SEMA3A: variants seen among roughly 807,000 people sequenced by gnomAD.
The protein encoded by SEMA3A is semaphorin 3A, also known as semaphorin-3A.
SEMA3A carries 29 observed loss-of-function variants against 97.9 expected under a neutral mutation model. The ratio of observed to expected loss-of-function variants is 0.30; its 90% CI spans 0.22 to 0.40. The LOEUF is 0.40. SEMA3A is among the 10% of genes least tolerant of loss of function. The pLI is 1.00. For missense variants in SEMA3A, 763 were observed against 951.3 expected, an observed-to-expected ratio of 0.80 and a Z score of 2.60; for synonymous variants, 321 against 323.7, an observed-to-expected ratio of 0.99 and a Z score of 0.09.
At chr7:84,150,141 G>A (rs1303381376) in intron 1 of SEMA3A, among the ~76,000 whole-genome samples, 2 of 152,146 alleles carry the variant, frequency 1.3e-5, no homozygotes, top group African/African-American at 4.8e-5. Context: ...GAGGGTAACT[G>A]GTAGGAATTA....
rs540090323 is a variant in SEMA3A at position 84,060,446 on chromosome 7, T to C, written c.547+19A>G. The C allele has an allele frequency of 4.7e-6, 7 of 1,481,238 alleles. No individual in the cohort carries two copies. Among genetic ancestry groups the C allele is most frequent in the Middle Eastern group, 1.7e-4 (1 of 5,796 alleles). 91.8% of individuals were successfully genotyped at this position (1,481,238 alleles called of 1,614,324 possible). ...TATTTATAGAAAACTCACTATTTAA[T>C]TGATTGTTGACTACGCACCTATTAA... is the stretch of plus-strand genomic sequence containing the variant. On this transcript the variant is annotated intron_variant, in intron 5 of 16. Coordinates refer to ENST00000265362, the MANE Select transcript of SEMA3A (RefSeq NM_006080.3).
chr7:84,312,698 T>C (rs1026192332), intron 2 of SEMA3A, among the ~76,000 whole-genome samples: 1 of 149,486 alleles, frequency 6.7e-6, no homozygotes, highest in African/African-American at 2.5e-5. Flanking sequence ...CAAACACTCT[T>C]TGGAGAATCC....
chr7:84,336,845 G>T (rs1004207584), intron 2 of SEMA3A, among the ~76,000 whole-genome samples: 1 of 152,032 alleles, frequency 6.6e-6, no homozygotes, highest in Non-Finnish European at 1.5e-5. Flanking sequence ...GTCTGTCTAG[G>T]TTGAAGTATG....
chr7:84,225,690 C>T (rs375313271), intron 3 of SEMA3A, among the ~76,000 whole-genome samples: 8 of 152,002 alleles, frequency 5.3e-5, no homozygotes, highest in Admixed American at 2.0e-4. Flanking sequence ...GGTCATCTCA[C>T]GGAGGCAACA....
At chr7:84,379,408 A>T (rs148792714) in intron 1 of SEMA3A, among the ~76,000 whole-genome samples, 166 of 152,306 alleles carry the variant, frequency 1.1e-3, no homozygotes, top group African/African-American at 3.7e-3. Flanking sequence ...ATACGTTTAT[A>T]AGGAAAAAGT....
At chr7:84,055,288 C>T (rs1304345916) in intron 5 of SEMA3A, among the ~76,000 whole-genome samples, 4 of 152,136 alleles carry the variant, frequency 2.6e-5, no homozygotes, top group African/African-American at 4.8e-5. Context: ...CAATGGCGGG[C>T]GCCCCTCCCC....
intron 11 of SEMA3A, among the ~76,000 whole-genome samples, chr7:84,004,522 G>T (rs1174366536): frequency 6.6e-6 from 1 of 151,726 alleles, no homozygotes; most frequent in Admixed American, 6.6e-5. Flanking sequence ...TAATTTTAAA[G>T]TTCAGATAAT....
chr7:84,332,870 CATA>C (rs1223869153), intron 2 of SEMA3A, among the ~76,000 whole-genome samples: 2 of 152,046 alleles, frequency 1.3e-5, no homozygotes, highest in Non-Finnish European at 2.9e-5. Flanking sequence ...TGACTCCCTA[CATA>C]CATATTATCA....
At chr7:84,390,335 A>AATTATTATTATTATTATT (rs71078827) in intron 1 of SEMA3A, among the ~76,000 whole-genome samples, 17 of 143,666 alleles carry the variant, frequency 1.2e-4, no homozygotes, top group African/African-American at 2.0e-4. Flanking sequence ...GATATTCAAG[A>AATTATTATTATTATTATT]ATTATTATTA....
At position 84,097,155 on chromosome 7, in the gene SEMA3A, C is replaced by T. The variant is rs551684258; in HGVS notation, c.453+13315G>A. Among the ~76,000 whole-genome samples the T allele has an allele frequency of 1.5e-4, 23 of 152,056 alleles. No homozygotes were observed. The South Asian group carries it at 4.8e-3, about 32-fold the overall frequency. ...TATGAGGTAAGACAGTTATTAAATG[C>T]CAACAAAAGATAAATCAGAAGAAGC... On this transcript the variant is annotated intron_variant, in intron 4 of 16. Coordinates refer to ENST00000265362, the MANE Select transcript of SEMA3A (RefSeq NM_006080.3).
intron 2 of SEMA3A, among the ~76,000 whole-genome samples, chr7:84,371,200 C>A (rs527338676): frequency 5.9e-5 from 9 of 151,604 alleles, no homozygotes; most frequent in African/African-American, 1.9e-4. Flanking sequence ...CCTTCAGAAA[C>A]TTTTTACAGA....
intron 3 of SEMA3A, among the ~76,000 whole-genome samples, chr7:84,293,341 C>T (rs540013986): frequency 3.3e-5 from 5 of 152,096 alleles, no homozygotes; most frequent in East Asian, 3.9e-4. Flanking sequence ...ATTGCTTTCT[C>T]ATATTTGCCT....
chr7:84,235,092 T>C (rs1188385593), intron 3 of SEMA3A, among the ~76,000 whole-genome samples: 1 of 152,070 alleles, frequency 6.6e-6, no homozygotes, highest in Admixed American at 6.6e-5. Context: ...TAAAAATAAA[T>C]TCTTTAAAAC....
chr7:84,108,443 G>T (rs191999139), intron 4 of SEMA3A, among the ~76,000 whole-genome samples: 51 of 152,262 alleles, frequency 3.3e-4, no homozygotes, highest in African/African-American at 1.2e-3. Flanking sequence ...AAAATATACA[G>T]ACACTAAGAC....
At chr7:84,409,960 C>T (rs1402992116) in intron 1 of SEMA3A, among the ~76,000 whole-genome samples, 1 of 151,994 alleles carries the variant, frequency 6.6e-6, no homozygotes, top group Non-Finnish European at 1.5e-5. Context: ...TTTACTTAAT[C>T]TTTTCTTAAT....
chr7:83,974,907 C>A (rs1053585633), intron 15 of SEMA3A, among the ~76,000 whole-genome samples: 1 of 152,068 alleles, frequency 6.6e-6, no homozygotes, highest in African/African-American at 2.4e-5. Context: ...CAACCCTCCC[C>A]CAAAAGACCC....
intron 3 of SEMA3A, among the ~76,000 whole-genome samples, chr7:84,208,185 G>A (rs1212406888): frequency 1.3e-5 from 2 of 152,092 alleles, no homozygotes; most frequent in Non-Finnish European, 2.9e-5. Flanking sequence ...TGGCACTGTG[G>A]CTCATGACTG....
intron 1 of SEMA3A, among the ~76,000 whole-genome samples, chr7:84,402,912 T>C (rs1584294677): frequency 6.6e-6 from 1 of 151,778 alleles, no homozygotes; most frequent in South Asian, 2.1e-4. Context: ...CCAGGAAGGG[T>C]AGTGGGGTAG....
At chr7:84,373,755 G>A (rs1369407839) in intron 1 of SEMA3A, among the ~76,000 whole-genome samples, 7 of 152,010 alleles carry the variant, frequency 4.6e-5, no homozygotes, top group African/African-American at 1.7e-4. Context: ...TTATTGCAGA[G>A]GAAGTTAATA....
Sources: allele counts gnomAD v4.1 joint callset (sites outside exome capture counted in the v4.1 genomes callset), GRCh38; gene constraint gnomAD v4.1.1; transcripts MANE v1.5; gene names NCBI Gene and HGNC (gene_info 2026-07-23, HGNC 2026-07-21).